Variants in NFIB observed in about 807,000 individuals in gnomAD.
The protein encoded by NFIB is nuclear factor I B, also known as nuclear factor 1 B-type.
A neutral mutation model predicts 61.5 loss-of-function variants in NFIB; 11 were observed. That is an observed-to-expected ratio of 0.18 (90% CI 0.11 to 0.30). NFIB has a LOEUF of 0.30. NFIB is among the 10% of genes least tolerant of loss of function. The pLI is 1.00. For missense variants in NFIB, 471 were observed against 608.9 expected, an observed-to-expected ratio of 0.77 and a Z score of 2.38; for synonymous variants, 260 against 216.5, an observed-to-expected ratio of 1.20 and a Z score of -1.76.
intron 1 of NFIB, among the ~76,000 whole-genome samples, chr9:14,370,253 G>A (rs754469473): frequency 2.9e-4 from 44 of 152,006 alleles, no homozygotes; most frequent in Non-Finnish European, 4.3e-4. Flanking sequence ...CTCCCTCTTC[G>A]CATTTATCAT....
the NFIB span, among the ~76,000 whole-genome samples, chr9:14,486,347 G>A: frequency 5.9e-5 from 9 of 152,126 alleles, no homozygotes; most frequent in South Asian, 1.0e-3. Flanking sequence ...TGTCATCAAC[G>A]GAGACAAGGC....
At chr9:14,453,003 T>C in the NFIB span, among the ~76,000 whole-genome samples, 2 of 152,226 alleles carry the variant, frequency 1.3e-5, no homozygotes, top group African/African-American at 4.8e-5. Context: ...CCACTTTGAT[T>C]GCTTTGTAAC....
upstream of NFIB, among the ~76,000 whole-genome samples, chr9:14,399,820 G>C (rs1199815299): frequency 3.3e-5 from 5 of 152,226 alleles, no homozygotes; most frequent in South Asian, 1.0e-3. Context: ...AATCAAGAAA[G>C]TTCTTGTGGT....
the NFIB span, among the ~76,000 whole-genome samples, chr9:14,483,191 C>A: frequency 2.6e-5 from 4 of 152,102 alleles, no homozygotes; most frequent in African/African-American, 9.7e-5. Context: ...AAAAGAAAGA[C>A]TCAATTTCTT....
chr9:14,223,875 C>G (rs916362941), intron 2 of NFIB, among the ~76,000 whole-genome samples: 1 of 152,194 alleles, frequency 6.6e-6, no homozygotes, highest in Non-Finnish European at 1.5e-5. Context: ...TTGTTTCCTT[C>G]TCAGCCACAC....
At chr9:14,467,378 A>C in the NFIB span, among the ~76,000 whole-genome samples, 1 of 152,090 alleles carries the variant, frequency 6.6e-6, no homozygotes, top group South Asian at 2.1e-4. Context: ...AGTTATTAAG[A>C]AGCCTATAAA....
chr9:14,178,027 A>C (rs2046364816), intron 3 of NFIB, among the ~76,000 whole-genome samples: 1 of 152,184 alleles, frequency 6.6e-6, no homozygotes, highest in Admixed American at 6.5e-5. Flanking sequence ...CTGCTTTATT[A>C]GTTTCAAATC....
chr9:14,457,008 A>G, the NFIB span, among the ~76,000 whole-genome samples: 5 of 152,240 alleles, frequency 3.3e-5, no homozygotes, highest in African/African-American at 9.6e-5. Flanking sequence ...AACCATAACA[A>G]TGAATGAGAC....
the NFIB span, among the ~76,000 whole-genome samples, chr9:14,479,710 C>T: frequency 2.0e-5 from 3 of 152,326 alleles, no homozygotes; most frequent in South Asian, 4.1e-4. Flanking sequence ...GCTTCGCATA[C>T]CTTCCAAGTA....
chr9:14,322,075 T>TTA (rs1230891994), intron 1 of NFIB: 1 of 1,116,184 alleles, frequency 9.0e-7, no homozygotes, highest in African/African-American at 2.8e-5. Flanking sequence ...TTGTGTTTAG[T>TTA]TAAAAAAAAA....
chr9:14,315,407 T>TCTCCTC (rs936919666), upstream of NFIB, among the ~76,000 whole-genome samples: 1 of 146,688 alleles, frequency 6.8e-6, no homozygotes, highest in East Asian at 2.1e-4. Context: ...CCGGCTTCGC[T>TCTCCTC]CTCCTCCTCC....
intron 2 of NFIB, among the ~76,000 whole-genome samples, chr9:14,286,868 T>A (rs192718245): frequency 1.2e-4 from 18 of 152,276 alleles, no homozygotes; most frequent in Admixed American, 3.9e-4. Flanking sequence ...TAAATGTCAG[T>A]GTTCATAATC....
At chr9:14,262,568 G>C (rs2056853472) in intron 2 of NFIB, among the ~76,000 whole-genome samples, 1 of 152,076 alleles carries the variant, frequency 6.6e-6, no homozygotes, top group African/African-American at 2.4e-5. Flanking sequence ...GTGGGCTGAA[G>C]GCTAGAAAAA....
At chr9:14,399,778 A>G (rs984167097), upstream of NFIB, among the ~76,000 whole-genome samples, 2 of 152,182 alleles carry the variant, frequency 1.3e-5, no homozygotes, top group Non-Finnish European at 2.9e-5. Context: ...AAAGTTGCAT[A>G]TATCTTCTAG....
chr9:14,130,382 A>G (rs1443519427), intron 6 of NFIB, among the ~76,000 whole-genome samples: 1 of 152,218 alleles, frequency 6.6e-6, no homozygotes, highest in Non-Finnish European at 1.5e-5. Flanking sequence ...CCCTTGAACT[A>G]GAAAATGAGG....
chr9:14,425,104 T>G, the NFIB span, among the ~76,000 whole-genome samples: 2 of 152,158 alleles, frequency 1.3e-5, no homozygotes, highest in African/African-American at 4.8e-5. Context: ...AATAAGTGTT[T>G]GGAATTTCAT....
intron 2 of NFIB, among the ~76,000 whole-genome samples, chr9:14,300,447 T>A (rs989917651): frequency 2.0e-5 from 3 of 152,318 alleles, no homozygotes; most frequent in East Asian, 1.9e-4. Context: ...TCTACTTTCA[T>A]CAACTTCAAA....
At chr9:14,118,154 T>C (rs887494268) in intron 8 of NFIB, among the ~76,000 whole-genome samples, 3 of 152,060 alleles carry the variant, frequency 2.0e-5, no homozygotes, top group African/African-American at 4.8e-5. Flanking sequence ...AGGGAAAAAG[T>C]AGTTTGTTTC....
rs76047587 is a variant in NFIB, at chr9:14,104,566, G to C, written c.1467+8433C>G. On this transcript the variant is annotated intron_variant, in intron 10 of 10. Coordinates refer to ENST00000380953, the MANE Select transcript of NFIB (RefSeq NM_001190737.2). ...TCTACTCTAGTCAATGAAAATGGAA[G>C]GGTTTTGTTTAATTTTTATTTGTTT... 4.9e-3 allele frequency among the ~76,000 whole-genome samples: 738 copies of C among 152,080 alleles called. 5 individuals carry two copies. The highest frequency in any genetic ancestry group is 8.3e-3 in the Non-Finnish European group (563 of 67,954).
Sources: allele counts gnomAD v4.1 joint callset (sites outside exome capture counted in the v4.1 genomes callset), GRCh38; gene constraint gnomAD v4.1.1; transcripts MANE v1.5; gene names NCBI Gene and HGNC (gene_info 2026-07-23, HGNC 2026-07-21).